Variants in EPHA5 observed in about 807,000 individuals in gnomAD.
The protein encoded by EPHA5 is EPH receptor A5.
Under a neutral mutation model 105.0 loss-of-function variants are expected in EPHA5, and 60 were observed. That is an observed-to-expected ratio of 0.57 (90% CI 0.46 to 0.71). EPHA5 has a LOEUF of 0.71. EPHA5 is among the 30% of genes least tolerant of loss of function. EPHA5 has a pLI of 0.00. For synonymous variants in EPHA5, 513 were observed against 449.1 expected (o/e 1.14, Z -1.80); for missense variants, 1,218 against 1,274.7 (o/e 0.96, Z 0.68).
intron 5 of EPHA5, among the ~76,000 whole-genome samples, chr4:65,432,544 T>C (rs144289048): frequency 1.4e-3 from 216 of 152,114 alleles, no homozygotes; most frequent in African/African-American, 4.7e-3. Context: ...TTCTGTTTTG[T>C]TTATGTTTTT....
intron 8 of EPHA5, among the ~76,000 whole-genome samples, chr4:65,382,218 C>G (rs1020162174): frequency 8.6e-5 from 13 of 151,408 alleles, no homozygotes; most frequent in African/African-American, 3.1e-4. Flanking sequence ...CTATTAGGAC[C>G]TAGAAATATC....
chr4:65,553,057 G>A (rs1738075775), intron 3 of EPHA5, among the ~76,000 whole-genome samples: 1 of 152,008 alleles, frequency 6.6e-6, no homozygotes, highest in Non-Finnish European at 1.5e-5. Context: ...GAAAATCACA[G>A]TTGTCAAGTG....
At chr4:65,426,906 G>A (rs995615912) in intron 5 of EPHA5, among the ~76,000 whole-genome samples, 1 of 151,996 alleles carries the variant, frequency 6.6e-6, no homozygotes, top group Non-Finnish European at 1.5e-5. Context: ...TATTGAATAT[G>A]TATCTGACTT....
At chr4:65,634,538 G>A (rs1189031885) in intron 2 of EPHA5, among the ~76,000 whole-genome samples, 2 of 151,958 alleles carry the variant, frequency 1.3e-5, no homozygotes, top group African/African-American at 4.8e-5. Flanking sequence ...TGTCTAGCTT[G>A]AATTCCATAA....
chr4:65,388,667 T>TTGTA (rs1720386439), intron 8 of EPHA5, among the ~76,000 whole-genome samples: 2 of 144,892 alleles, frequency 1.4e-5, no homozygotes, highest in Non-Finnish European at 3.0e-5. Context: ...ATGGGGTTGT[T>TTGTA]TTTTTCTTGT....
chr4:65,399,109 AC>A (rs1302049932), intron 8 of EPHA5, among the ~76,000 whole-genome samples: 1 of 152,084 alleles, frequency 6.6e-6, no homozygotes, highest in African/African-American at 2.4e-5. Flanking sequence ...GGAATGTGAC[AC>A]CCTCTTTGGG....
At chr4:65,352,200 G>C (rs780473998) in intron 12 of EPHA5, among the ~76,000 whole-genome samples, 4 of 151,960 alleles carry the variant, frequency 2.6e-5, no homozygotes, top group Non-Finnish European at 5.9e-5. Flanking sequence ...GTACTTAAAG[G>C]TATGGTTAGA....
chr4:65,485,003 A>G (rs952873445), intron 5 of EPHA5, among the ~76,000 whole-genome samples: 1 of 151,874 alleles, frequency 6.6e-6, no homozygotes, highest in African/African-American at 2.4e-5. Context: ...AAAGATTATC[A>G]TGTGTAAATC....
At chr4:65,604,560 A>G (rs1744041576) in intron 2 of EPHA5, among the ~76,000 whole-genome samples, 1 of 152,184 alleles carries the variant, frequency 6.6e-6, no homozygotes, top group African/African-American at 2.4e-5. Flanking sequence ...CATGGGTAAT[A>G]TATCCATCTC....
At chr4:65,588,456 A>T (rs1742329216) in intron 3 of EPHA5, among the ~76,000 whole-genome samples, 5 of 152,102 alleles carry the variant, frequency 3.3e-5, no homozygotes, top group Admixed American at 3.3e-4. Context: ...AATAACTATG[A>T]TCTCCTGAGA....
intron 2 of EPHA5, among the ~76,000 whole-genome samples, chr4:65,627,867 C>A (rs1746292885): frequency 6.6e-6 from 1 of 151,932 alleles, no homozygotes; most frequent in Admixed American, 6.6e-5. Flanking sequence ...TTATAATTGA[C>A]CATCATGTCA....
intron 7 of EPHA5, among the ~76,000 whole-genome samples, chr4:65,405,493 T>A (rs184153082): frequency 6.6e-6 from 1 of 152,130 alleles, no homozygotes; most frequent in Non-Finnish European, 1.5e-5. Context: ...ACCAAGAGAT[T>A]TGGATCTCCA....
At chr4:65,429,740 T>C (rs964419536) in intron 5 of EPHA5, among the ~76,000 whole-genome samples, 1 of 152,082 alleles carries the variant, frequency 6.6e-6, no homozygotes, top group Admixed American at 6.6e-5. Flanking sequence ...TATTATACTA[T>C]TAAAATTCAG....
chr4:65,588,254 A>G (rs949185255), intron 3 of EPHA5, among the ~76,000 whole-genome samples: 5 of 152,108 alleles, frequency 3.3e-5, no homozygotes, highest in Non-Finnish European at 7.4e-5. Context: ...ATTCCGGTTA[A>G]AATATCCTGA....
Position 65,404,381 on chromosome 4 carries a change from TGAG to T in EPHA5, c.1783_1785del (p.Leu595del). 6.2e-7 allele frequency: 1 copy of T among 1,612,972 alleles called. No individual in the cohort carries two copies. Among genetic ancestry groups the T allele is most frequent in the Non-Finnish European group, 8.5e-7 (1 of 1,179,218 alleles). ...CACAGCTTCCTCTCTTACCTTCCAC[TGAG>T]GAGGACGCCGATAACCACTGCCAAC... is the stretch of plus-strand genomic sequence containing the variant. On this transcript the variant is annotated inframe_deletion, in exon 8 of 17. Transcript: ENST00000613740.
chr4:65,591,612 T>TA (rs75075654), intron 3 of EPHA5, among the ~76,000 whole-genome samples: 16 of 140,010 alleles, frequency 1.1e-4, no homozygotes, highest in Admixed American at 2.8e-4. Context: ...TTATTTTTTT[T>TA]AAAAAAAAAG....
chr4:65,390,431 C>T (rs1056082269), intron 8 of EPHA5, among the ~76,000 whole-genome samples: 2 of 152,010 alleles, frequency 1.3e-5, no homozygotes, highest in Admixed American at 1.3e-4. Context: ...TTCCTCCTGA[C>T]CAAAATCTGG....
At chr4:65,493,781 C>T (rs1451278253) in intron 4 of EPHA5, among the ~76,000 whole-genome samples, 1 of 151,846 alleles carries the variant, frequency 6.6e-6, no homozygotes, top group African/African-American at 2.4e-5. Context: ...GCCCCACCCC[C>T]ATTTCCAATC....
intron 1 of EPHA5, among the ~76,000 whole-genome samples, chr4:65,649,626 T>C (rs1748418125): frequency 1.3e-5 from 2 of 152,228 alleles, no homozygotes; most frequent in Admixed American, 1.3e-4. Flanking sequence ...AATTATTGAA[T>C]GAATTGTCAA....
Sources: allele counts gnomAD v4.1 joint callset (sites outside exome capture counted in the v4.1 genomes callset), GRCh38; gene constraint gnomAD v4.1.1; transcripts MANE v1.5; gene names NCBI Gene and HGNC (gene_info 2026-07-23, HGNC 2026-07-21).